Variants in RIMS2 observed in about 807,000 individuals in gnomAD.
RIMS2 encodes the protein regulating synaptic membrane exocytosis 2.
In RIMS2, 59 loss-of-function variants were observed where a neutral mutation model predicts 174.4. The observed-to-expected ratio is 0.34, with a 90% confidence interval of 0.27 to 0.42. RIMS2 has a LOEUF of 0.42. RIMS2 is among the 10% of genes least tolerant of loss of function. RIMS2 has a pLI of 1.00. For missense variants in RIMS2, 1,620 were observed against 1,666.3 expected, an observed-to-expected ratio of 0.97 and a Z score of 0.48; for synonymous variants, 606 against 572.5, an observed-to-expected ratio of 1.06 and a Z score of -0.84.
At chr8:104,089,271 T>C (rs971215108) in intron 19 of RIMS2, among the ~76,000 whole-genome samples, 1 of 151,950 alleles carries the variant, frequency 6.6e-6, no homozygotes, top group Non-Finnish European at 1.5e-5. Context: ...ATTTCCTAAA[T>C]AAATAAATTT....
intron 1 of RIMS2, among the ~76,000 whole-genome samples, chr8:103,546,625 A>G (rs1845244692): frequency 6.6e-6 from 1 of 152,196 alleles, no homozygotes; most frequent in African/African-American, 2.4e-5. Flanking sequence ...TGACCACACA[A>G]TCAGTCATAA....
At chr8:103,750,852 A>C (rs560865590) in intron 2 of RIMS2, among the ~76,000 whole-genome samples, 3 of 152,128 alleles carry the variant, frequency 2.0e-5, no homozygotes, top group African/African-American at 7.2e-5. Context: ...TGTCTTTATA[A>C]ATTACCCAGC....
intron 19 of RIMS2, among the ~76,000 whole-genome samples, chr8:104,025,595 G>T (rs1008102361): frequency 6.6e-6 from 1 of 152,074 alleles, no homozygotes; most frequent in Non-Finnish European, 1.5e-5. Flanking sequence ...TAATTTCTTA[G>T]TAATGTCTTG....
At chr8:103,643,568 G>T (rs553806833) in intron 1 of RIMS2, among the ~76,000 whole-genome samples, 1 of 152,116 alleles carries the variant, frequency 6.6e-6, no homozygotes, top group Admixed American at 6.6e-5. Flanking sequence ...TGTGTTTACT[G>T]TTTATTGTAG....
At chr8:103,639,659 A>G (rs2096180092) in intron 1 of RIMS2, among the ~76,000 whole-genome samples, 1 of 151,906 alleles carries the variant, frequency 6.6e-6, no homozygotes, top group South Asian at 2.1e-4. Flanking sequence ...ATTCTCTTGT[A>G]TGGATTTAAC....
chr8:103,770,647 G>A lies in RIMS2; in HGVS notation c.698+4110G>A, dbSNP rs144736382. On this transcript the variant is annotated intron_variant, in intron 3 of 23. Transcript: ENST00000504942. Reference sequence around the variant, plus strand: ...AGTTTGCCAATCCCTGCCCTAGAGAGCAGTTCTCTTAGTGTTGTTGAAATT... The same window carrying A: ...AGTTTGCCAATCCCTGCCCTAGAGAACAGTTCTCTTAGTGTTGTTGAAATT... 6.2e-3 allele frequency among the ~76,000 whole-genome samples: 941 copies of A among 152,040 alleles called. 12 individuals carry two copies. The highest frequency in any genetic ancestry group is 0.021 in the African/African-American group (887 of 41,490).
At chr8:104,097,519 A>T (rs542943598) in intron 19 of RIMS2, among the ~76,000 whole-genome samples, 2 of 152,268 alleles carry the variant, frequency 1.3e-5, no homozygotes, top group East Asian at 3.9e-4. Flanking sequence ...AAAATATGAC[A>T]AACTATTAAT....
intron 1 of RIMS2, among the ~76,000 whole-genome samples, chr8:103,583,933 A>T (rs1588269679): frequency 6.6e-6 from 1 of 152,218 alleles, no homozygotes; most frequent in Admixed American, 6.5e-5. Flanking sequence ...AACTTCCCAA[A>T]CCTATAGAAA....
intron 4 of RIMS2, among the ~76,000 whole-genome samples, chr8:103,904,200 T>C (rs1416052272): frequency 1.3e-5 from 2 of 152,166 alleles, no homozygotes; most frequent in Non-Finnish European, 2.9e-5. Flanking sequence ...TCATACAGTA[T>C]GTGACATTTT....
intron 3 of RIMS2, among the ~76,000 whole-genome samples, chr8:103,781,299 C>A (rs1317596671): frequency 6.6e-6 from 1 of 152,120 alleles, no homozygotes; most frequent in African/African-American, 2.4e-5. Flanking sequence ...TTCTTTGTGG[C>A]CCTGAGAACT....
At chr8:103,632,731 A>ATTTTTTTTTTTTT (rs61579273) in intron 1 of RIMS2, among the ~76,000 whole-genome samples, 4 of 70,416 alleles carry the variant, frequency 5.7e-5, no homozygotes, top group East Asian at 4.6e-4. Context: ...ATATTTATTG[A>ATTTTTTTTTTTTT]TTTTTTTTTT....
At chr8:103,759,257 C>T (rs376176496) in intron 2 of RIMS2, among the ~76,000 whole-genome samples, 5 of 152,064 alleles carry the variant, frequency 3.3e-5, no homozygotes, top group South Asian at 2.1e-4. Flanking sequence ...AACTTGGCAG[C>T]GGATCATGAT....
chr8:103,934,096 TTTC>T (rs1421076560), intron 12 of RIMS2, among the ~76,000 whole-genome samples: 3 of 152,150 alleles, frequency 2.0e-5, no homozygotes, highest in African/African-American at 7.2e-5. Context: ...TTCAAATATA[TTTC>T]TTCTTCTAAT....
At chr8:104,155,429 T>C (rs1188980812) in intron 19 of RIMS2, among the ~76,000 whole-genome samples, 14 of 112,768 alleles carry the variant, frequency 1.2e-4, no homozygotes, top group African/African-American at 3.9e-4. Flanking sequence ...TTTTTTTTTT[T>C]CTGAGACAGA....
At chr8:104,255,998 T>C (rs1349551039), downstream of RIMS2, 2 of 152,208 alleles carry the variant, frequency 1.3e-5, no homozygotes, top group Admixed American at 6.5e-5. Context: ...ATCAACACTT[T>C]AACTAAAACG....
At chr8:103,703,516 T>C (rs1171618903) in intron 2 of RIMS2, among the ~76,000 whole-genome samples, 6 of 152,142 alleles carry the variant, frequency 3.9e-5, no homozygotes, top group Non-Finnish European at 8.8e-5. Flanking sequence ...GAATTATAGA[T>C]ATGAGCCACC....
At chr8:103,889,599 C>T (rs1054097822) in intron 4 of RIMS2, among the ~76,000 whole-genome samples, 4 of 151,554 alleles carry the variant, frequency 2.6e-5, no homozygotes, top group South Asian at 4.1e-4. Flanking sequence ...TAATAAAATT[C>T]CTTGGAAATT....
At chr8:104,071,106 A>G (rs1286667032) in intron 19 of RIMS2, among the ~76,000 whole-genome samples, 1 of 152,226 alleles carries the variant, frequency 6.6e-6, no homozygotes. Context: ...GATTCTTGTT[A>G]TAGAAACCTG....
chr8:103,828,851 A>G (rs548898381), intron 3 of RIMS2, among the ~76,000 whole-genome samples: 2 of 151,998 alleles, frequency 1.3e-5, no homozygotes, highest in Admixed American at 1.3e-4. Flanking sequence ...TTCTTTGTCA[A>G]CTTTGTTGAA....
Sources: allele counts gnomAD v4.1 joint callset (sites outside exome capture counted in the v4.1 genomes callset), GRCh38; gene constraint gnomAD v4.1.1; transcripts MANE v1.5; gene names NCBI Gene and HGNC (gene_info 2026-07-23, HGNC 2026-07-21).